TMCO4: variants seen among roughly 807,000 people sequenced by gnomAD.
The protein encoded by TMCO4 is transmembrane and coiled-coil domain-containing protein 4.
TMCO4 carries 58 observed loss-of-function variants against 64.7 expected under a neutral mutation model. The ratio of observed to expected loss-of-function variants is 0.90; its 90% CI spans 0.73 to 1.12. The LOEUF (loss-of-function observed/expected upper bound fraction) is 1.12. Ranked by LOEUF, TMCO4 falls within the 50% of genes most tolerant of loss-of-function variation. TMCO4 has a pLI of 0.00. For missense variants in TMCO4, 780 were observed against 825.9 expected (o/e 0.94, Z 0.68); for synonymous variants, 325 against 346.1 (o/e 0.94, Z 0.68).
chr1:19,702,205 G>A (rs12744679), intron 13 of TMCO4, among the ~76,000 whole-genome samples: 54,603 of 149,960 alleles, frequency 0.36, 10,482 homozygotes, highest in South Asian at 0.43. Context: ...TCCTGACCTC[G>A]TGATCCGCCT....
chr1:19,789,652 G>C (rs1014140071), intron 2 of TMCO4, among the ~76,000 whole-genome samples: 3 of 152,162 alleles, frequency 2.0e-5, no homozygotes, highest in African/African-American at 7.2e-5. Context: ...ATCCTTAGAA[G>C]GGGAGTGTGT....
In TMCO4 at chr1:19,732,053, G is replaced by T. The variant is rs547585941; in HGVS notation, c.1264+5319C>A. 1.7e-4 allele frequency among the ~76,000 whole-genome samples: 26 copies of T among 152,296 alleles called. 1 individual carries two copies. Among genetic ancestry groups the T allele is most frequent in the African/African-American group, 5.8e-4 (24 of 41,562 alleles). On this transcript the variant is annotated intron_variant, in intron 13 of 15. Transcript: ENST00000294543. This position sits in a 1 kb window ranked among gnomAD's most constrained non-coding sequence, Gnocchi z 4.8. ...GGACAGCGGGGGTTTTAAACTGAGC[G>T]GGGCCTGTGCACCCAGCTGCATGGG...
At position 19,708,606 on chromosome 1, in the gene TMCO4, C is replaced by A. The variant is rs563451511; in HGVS notation, c.1265-7721G>T. Among the ~76,000 whole-genome samples, 3 of 152,154 alleles carry A rather than the reference C, an allele frequency of 2.0e-5. No individual in the cohort carries two copies. In the South Asian group the frequency reaches 6.2e-4, roughly 32 times the overall value. On this transcript the variant is annotated intron_variant, in intron 13 of 15. Transcript: ENST00000294543. ...TCGGACAGTGTGGGGCCTTTGCCAG[C>A]GGGAATCAGGTGAAGGTCCCAGCTT... is the stretch of plus-strand genomic sequence containing the variant.
At chr1:19,769,613 AAAC>A (rs1322397139) in intron 6 of TMCO4, among the ~76,000 whole-genome samples, 2 of 152,202 alleles carry the variant, frequency 1.3e-5, no homozygotes, top group Admixed American at 1.3e-4. Context: ...CCATCAGAAT[AAAC>A]ATCAGAGGTC....
intron 12 of TMCO4, among the ~76,000 whole-genome samples, chr1:19,738,583 T>C (rs1477140368): frequency 6.6e-6 from 1 of 152,236 alleles, no homozygotes; most frequent in African/African-American, 2.4e-5. Context: ...ACACCCAGAC[T>C]CTTACTTGGG....
intron 4 of TMCO4, among the ~76,000 whole-genome samples, chr1:19,772,453 C>A (rs2043028613): frequency 6.6e-6 from 1 of 152,150 alleles, no homozygotes; most frequent in African/African-American, 2.4e-5. Context: ...TGGGATGGGG[C>A]CGCTCTAGGG....
At chr1:19,709,635 G>A (rs1351526951) in intron 13 of TMCO4, among the ~76,000 whole-genome samples, 1 of 151,996 alleles carries the variant, frequency 6.6e-6, no homozygotes, top group East Asian at 1.9e-4. Context: ...GTTTTATCTT[G>A]CAAACATCAT....
intron 6 of TMCO4, among the ~76,000 whole-genome samples, chr1:19,768,704 A>G (rs56060202): frequency 0.12 from 17,821 of 152,160 alleles, 1,138 homozygotes; most frequent in Non-Finnish European, 0.13. Flanking sequence ...GAATTAAAAT[A>G]CTTTGGATAC....
intron 2 of TMCO4, among the ~76,000 whole-genome samples, chr1:19,792,253 T>C (rs1404108954): frequency 6.6e-6 from 1 of 152,080 alleles, no homozygotes; most frequent in South Asian, 2.1e-4. Flanking sequence ...GGAAACAATA[T>C]AGATATAGAG....
chr1:19,757,473 C>T (rs2042318332), intron 6 of TMCO4, among the ~76,000 whole-genome samples: 1 of 152,132 alleles, frequency 6.6e-6, no homozygotes, highest in Non-Finnish European at 1.5e-5. Context: ...ATAGCTTCCC[C>T]ATCCCAAGAT....
intron 2 of TMCO4, among the ~76,000 whole-genome samples, chr1:19,790,565 C>A (rs1018209750): frequency 1.3e-5 from 2 of 152,070 alleles, no homozygotes; most frequent in African/African-American, 4.8e-5. Flanking sequence ...AAAAGCTCAA[C>A]ATCACTGATC....
At chr1:19,705,161 C>T (rs538696027) in intron 13 of TMCO4, among the ~76,000 whole-genome samples, 1 of 152,132 alleles carries the variant, frequency 6.6e-6, no homozygotes, top group East Asian at 1.9e-4. Flanking sequence ...ATAAAATACA[C>T]TAACACTAGG....
At chr1:19,772,422 ACAGGAGTCCC>A (rs1051322193) in intron 4 of TMCO4, among the ~76,000 whole-genome samples, 2 of 152,168 alleles carry the variant, frequency 1.3e-5, no homozygotes, top group African/African-American at 4.8e-5. Context: ...GTGCAGTCCT[ACAGGAGTCCC>A]CAGGGGAGGA....
Position 19,755,617 on chromosome 1 carries a change from T to C in TMCO4, c.515+17A>G, listed in dbSNP as rs1050161398. On this transcript the variant is annotated intron_variant, in intron 7 of 15. Coordinates refer to ENST00000294543, the MANE Select transcript of TMCO4 (RefSeq NM_181719.7). ...GGAAATCCTTGGATCCTGATGGGGGTCGCGGGGCTCTCTTACTCAGATTCC... is the reference window on the plus strand; with the variant it reads ...GGAAATCCTTGGATCCTGATGGGGGCCGCGGGGCTCTCTTACTCAGATTCC... 1 of 1,612,822 alleles carries C rather than the reference T, an allele frequency of 6.2e-7. No homozygotes were observed. Among genetic ancestry groups the C allele is most frequent in the Non-Finnish European group, 8.5e-7 (1 of 1,179,470 alleles).
intron 15 of TMCO4, among the ~76,000 whole-genome samples, chr1:19,691,125 C>T (rs1570628789): frequency 6.6e-6 from 1 of 152,104 alleles, no homozygotes; most frequent in South Asian, 2.1e-4. Context: ...GCCTTGGCCT[C>T]CCAAAGTGCT....
At chr1:19,694,385 G>C (rs2095220472) in intron 15 of TMCO4, 49 bp downstream of exon 15, 2 of 1,546,094 alleles carry the variant, frequency 1.3e-6, no homozygotes, top group Admixed American at 1.7e-5. Context: ...GGCTGGGCTG[G>C]AGCAACTAAG....
At chr1:19,724,373 T>C (rs1056771987) in intron 13 of TMCO4, among the ~76,000 whole-genome samples, 1 of 152,230 alleles carries the variant, frequency 6.6e-6, no homozygotes, top group African/African-American at 2.4e-5. Flanking sequence ...GGTTCACTAT[T>C]TGTAAATTGC....
intron 3 of TMCO4, among the ~76,000 whole-genome samples, chr1:19,781,929 A>G (rs1210934954): frequency 6.6e-6 from 1 of 152,236 alleles, no homozygotes; most frequent in Non-Finnish European, 1.5e-5. Context: ...TACAGGCATG[A>G]GCCACCACGC....
intron 6 of TMCO4, among the ~76,000 whole-genome samples, chr1:19,759,719 G>A (rs747972316): frequency 6.6e-6 from 1 of 152,104 alleles, no homozygotes; most frequent in Non-Finnish European, 1.5e-5. Context: ...AGAAGCCAGC[G>A]GCTCCTGAAT....
Sources: gnomAD v4.1 joint callset for allele counts (sites outside exome capture counted in the v4.1 genomes callset) on GRCh38, gnomAD v4.1.1 for gene constraint, Gnocchi (gnomAD v3.1) non-coding constraint, MANE v1.5 for transcripts, NCBI Gene and HGNC (gene_info 2026-07-23, HGNC 2026-07-21) for gene names.